Variants in STARD13 observed in about 807,000 individuals in gnomAD.
STARD13 encodes the protein stAR-related lipid transfer protein 13.
In STARD13, 62 loss-of-function variants were observed where a neutral mutation model predicts 106.4. The ratio of observed to expected loss-of-function variants is 0.58; its 90% CI spans 0.48 to 0.72. The LOEUF is 0.72. STARD13 is among the 30% of genes least tolerant of loss of function. STARD13 has a pLI of 0.00. For synonymous variants in STARD13, 565 were observed against 553.0 expected (o/e 1.02, Z -0.31); for missense variants, 1,387 against 1,424.0 (o/e 0.97, Z 0.42).
chr13:33,227,900 C>T (rs1350358152), intron 1 of STARD13, among the ~76,000 whole-genome samples: 1 of 152,138 alleles, frequency 6.6e-6, no homozygotes, highest in East Asian at 1.9e-4. Flanking sequence ...ATCCTGACAA[C>T]ATGTGAGAAG....
intron 1 of STARD13, among the ~76,000 whole-genome samples, chr13:33,312,700 T>A (rs769694095): frequency 4.8e-5 from 7 of 145,150 alleles, no homozygotes; most frequent in Non-Finnish European, 9.2e-5. Flanking sequence ...TTTATTTGAG[T>A]AGACATGTGG....
chr13:33,605,709 A>G, the STARD13 span, among the ~76,000 whole-genome samples: 2 of 152,042 alleles, frequency 1.3e-5, no homozygotes, highest in East Asian at 3.8e-4. Flanking sequence ...TGTGCATAAT[A>G]TTTTCATATT....
chr13:33,542,194 CT>C, the STARD13 span, among the ~76,000 whole-genome samples: 1 of 152,134 alleles, frequency 6.6e-6, no homozygotes. Context: ...TGTGACACCC[CT>C]ACCTTCTCAG....
intron 3 of STARD13, chr13:33,155,347 G>A (rs1271361036): frequency 6.6e-6 from 1 of 152,220 alleles, no homozygotes; most frequent in Non-Finnish European, 1.5e-5. Flanking sequence ...TGAAAATTAA[G>A]TGAGATCAAT....
chr13:33,290,653 A>G (rs1427844937), upstream of STARD13, among the ~76,000 whole-genome samples: 5 of 152,124 alleles, frequency 3.3e-5, no homozygotes, highest in Non-Finnish European at 5.9e-5. Flanking sequence ...AGCCCTCCCT[A>G]CTGTCTGGTG....
chr13:33,399,562 G>C, the STARD13 span, among the ~76,000 whole-genome samples: 27 of 151,596 alleles, frequency 1.8e-4, no homozygotes, highest in Admixed American at 5.9e-4. Context: ...TTAGCTGGGC[G>C]TGGTGGCTGG....
At chr13:33,323,675 A>G (rs1480974584) in intron 1 of STARD13, among the ~76,000 whole-genome samples, 2 of 152,158 alleles carry the variant, frequency 1.3e-5, no homozygotes, top group Non-Finnish European at 2.9e-5. Flanking sequence ...TATACTTTAA[A>G]CTTGATTCTC....
intron 1 of STARD13, among the ~76,000 whole-genome samples, chr13:33,235,769 C>T (rs1198612621): frequency 3.9e-5 from 6 of 152,232 alleles, no homozygotes; most frequent in South Asian, 2.1e-4. Flanking sequence ...CTTCCTAAAT[C>T]GGAAACTCTG....
chr13:33,622,740 T>G, the STARD13 span, among the ~76,000 whole-genome samples: 2 of 144,004 alleles, frequency 1.4e-5, no homozygotes, highest in Admixed American at 7.0e-5. Flanking sequence ...GCTAACATGG[T>G]AAAACCCCAT....
the STARD13 span, among the ~76,000 whole-genome samples, chr13:33,644,031 T>A: frequency 6.6e-6 from 1 of 152,212 alleles, no homozygotes; most frequent in East Asian, 1.9e-4. Context: ...AGGATTTAAC[T>A]AAAATTATGA....
the STARD13 span, among the ~76,000 whole-genome samples, chr13:33,639,820 T>A: frequency 6.6e-6 from 1 of 152,248 alleles, no homozygotes; most frequent in South Asian, 2.1e-4. Context: ...CCTTTTTCTG[T>A]TCATAAATCC....
chr13:33,609,951 T>C, the STARD13 span, among the ~76,000 whole-genome samples: 1 of 152,338 alleles, frequency 6.6e-6, no homozygotes, highest in East Asian at 1.9e-4. Flanking sequence ...CTAATTGTAT[T>C]CTTTGTAATT....
At chr13:33,549,110 A>G in the STARD13 span, among the ~76,000 whole-genome samples, 1 of 152,226 alleles carries the variant, frequency 6.6e-6, no homozygotes, top group African/African-American at 2.4e-5. Flanking sequence ...GTTAATTAAA[A>G]TAAAACACAG....
At position 33,262,757 on chromosome 13, in the gene STARD13, C is replaced by G. The variant is rs1028656840; in HGVS notation, c.169+22713G>C. On this transcript the variant is annotated intron_variant, in intron 1 of 13. Transcript: ENST00000336934. ...CTGGGAGGTTAGAGTCCAGTTCCCA[C>G]CCAGGCCTTACCGAAATCTTCACTC... 1.3e-5 allele frequency among the ~76,000 whole-genome samples: 2 copies of G among 151,758 alleles called. 1 individual carries two copies. The highest frequency in any genetic ancestry group is 4.2e-4 in the South Asian group (2 of 4,784).
chr13:33,288,344 C>T (rs1892153879), upstream of STARD13, among the ~76,000 whole-genome samples: 1 of 152,012 alleles, frequency 6.6e-6, no homozygotes, highest in Non-Finnish European at 1.5e-5. Context: ...AATCATAGTT[C>T]ACTGTAGTCT....
chr13:33,377,074 T>C, the STARD13 span, among the ~76,000 whole-genome samples: 27 of 152,242 alleles, frequency 1.8e-4, no homozygotes, highest in Non-Finnish European at 3.1e-4. Context: ...TATTCTAAGA[T>C]AGTTTTATGT....
the STARD13 span, among the ~76,000 whole-genome samples, chr13:33,565,719 A>G: frequency 1.2e-4 from 18 of 148,064 alleles, 1 homozygote; most frequent in East Asian, 3.5e-3. Flanking sequence ...GGTAAGAAAC[A>G]TATATCACAG....
intron 1 of STARD13, among the ~76,000 whole-genome samples, chr13:33,314,661 G>A (rs1156677781): frequency 6.6e-6 from 1 of 151,980 alleles, no homozygotes; most frequent in Admixed American, 6.6e-5. Flanking sequence ...TAACACAACC[G>A]AGCACCTAAT....
upstream of STARD13, among the ~76,000 whole-genome samples, chr13:33,351,444 A>C (rs1434491250): frequency 2.0e-5 from 3 of 152,222 alleles, no homozygotes; most frequent in Non-Finnish European, 4.4e-5. Context: ...TAAGAAATAC[A>C]TCATCACTGA....
Sources: gnomAD v4.1 joint callset for allele counts (sites outside exome capture counted in the v4.1 genomes callset) on GRCh38, gnomAD v4.1.1 for gene constraint, MANE v1.5 for transcripts, NCBI Gene and HGNC (gene_info 2026-07-23, HGNC 2026-07-21) for gene names.